SLC9A9: variants seen among roughly 807,000 people sequenced by gnomAD.
SLC9A9 encodes the protein solute carrier family 9 member A9.
SLC9A9 carries 62 observed loss-of-function variants against 77.8 expected under a neutral mutation model. The ratio of observed to expected loss-of-function variants is 0.80; its 90% CI spans 0.65 to 0.98. The LOEUF (loss-of-function observed/expected upper bound fraction) is 0.98, where lower values mean the gene tolerates loss of function less well. SLC9A9 is among the 50% of genes least tolerant of loss of function. The pLI, the probability that SLC9A9 is intolerant of heterozygous loss-of-function variation, is 0.00. For synonymous variants in SLC9A9, 320 were observed against 283.5 expected (o/e 1.13, Z -1.29); for missense variants, 775 against 774.9 (o/e 1.00, Z 0.00).
At chr3:143,361,984 C>G (rs61033065) in intron 14 of SLC9A9, among the ~76,000 whole-genome samples, 1 of 152,110 alleles carries the variant, frequency 6.6e-6, no homozygotes, top group Non-Finnish European at 1.5e-5. Flanking sequence ...TGTGTTTACT[C>G]TTTAGTCAAA....
At chr3:143,537,613 T>C (rs77751212) in intron 9 of SLC9A9, among the ~76,000 whole-genome samples, 77 of 152,376 alleles carry the variant, frequency 5.1e-4, no homozygotes, top group Non-Finnish European at 1.0e-3. Context: ...TTCATTTTTA[T>C]GTGTTCAGTT....
chr3:143,371,128 T>C (rs995540740), intron 13 of SLC9A9, among the ~76,000 whole-genome samples: 2 of 152,134 alleles, frequency 1.3e-5, no homozygotes, highest in Admixed American at 1.3e-4. Flanking sequence ...AACACTGACC[T>C]GTACATGCAC....
chr3:143,380,376 CAG>C (rs150160964), intron 13 of SLC9A9, among the ~76,000 whole-genome samples: 5,742 of 152,174 alleles, frequency 0.038, 161 homozygotes, highest in Middle Eastern at 0.068. Flanking sequence ...TAGAAGAAGA[CAG>C]AGAATTTTAT....
At chr3:143,529,991 T>C (rs373032445) in intron 9 of SLC9A9, among the ~76,000 whole-genome samples, 1 of 152,234 alleles carries the variant, frequency 6.6e-6, no homozygotes, top group East Asian at 1.9e-4. Flanking sequence ...GTCTAACCCG[T>C]GCACCACCTG....
intron 4 of SLC9A9, among the ~76,000 whole-genome samples, chr3:143,700,912 G>A (rs1255976896): frequency 1.3e-5 from 2 of 152,192 alleles, no homozygotes; most frequent in Non-Finnish European, 2.9e-5. Context: ...TGGCCACAGG[G>A]GTACTTGTTT....
chr3:143,355,984 A>G (rs2032574835), intron 14 of SLC9A9, among the ~76,000 whole-genome samples: 1 of 152,212 alleles, frequency 6.6e-6, no homozygotes, highest in Non-Finnish European at 1.5e-5. Flanking sequence ...TAGAAATATT[A>G]TTAAAACTTT....
In SLC9A9 at chr3:143,637,311, G is replaced by T. The variant is rs1371220230; in HGVS notation, c.755+14944C>A. Among the ~76,000 whole-genome samples the T allele has an allele frequency of 3.3e-5, 5 of 152,100 alleles. 1 individual carries two copies. The highest frequency in any genetic ancestry group is 5.9e-5 in the Non-Finnish European group (4 of 67,984). On this transcript the variant is annotated intron_variant, in intron 6 of 15. Coordinates refer to ENST00000316549, the MANE Select transcript of SLC9A9 (RefSeq NM_173653.4). ...AAAGAAAGCACAAAACTCTGGAAAT[G>T]AAAAATTTACAGATGGAATTACAAA...
At chr3:143,333,036 T>G in intron 14 of SLC9A9, among the ~76,000 whole-genome samples, 1 of 152,190 alleles carries the variant, frequency 6.6e-6, no homozygotes, top group African/African-American at 2.4e-5. Flanking sequence ...TCTACTGTAG[T>G]TTTTTAAGGG....
intron 14 of SLC9A9, among the ~76,000 whole-genome samples, chr3:143,270,896 T>A (rs191571545): frequency 6.6e-6 from 1 of 152,242 alleles, no homozygotes; most frequent in Non-Finnish European, 1.5e-5. Context: ...TGACTTTTTA[T>A]GGTTTTAGTT....
chr3:143,597,042 T>C (rs2037764223), intron 6 of SLC9A9, among the ~76,000 whole-genome samples: 1 of 152,096 alleles, frequency 6.6e-6, no homozygotes, highest in Non-Finnish European at 1.5e-5. Flanking sequence ...CTTCTTCATG[T>C]TCAGTAAAAA....
At chr3:143,560,726 C>CT (rs1210617680) in intron 8 of SLC9A9, among the ~76,000 whole-genome samples, 5 of 85,688 alleles carry the variant, frequency 5.8e-5, no homozygotes, top group Non-Finnish European at 1.1e-4. Context: ...AAACTTTTTC[C>CT]TTCAAAAAAA....
At chr3:143,405,001 G>A (rs2108514899) in intron 12 of SLC9A9, among the ~76,000 whole-genome samples, 1 of 152,278 alleles carries the variant, frequency 6.6e-6, no homozygotes, top group Admixed American at 6.5e-5. Context: ...TCTTTGTGTG[G>A]CTTGGGGAAT....
intron 6 of SLC9A9, among the ~76,000 whole-genome samples, chr3:143,591,277 C>G (rs563431919): frequency 1.3e-5 from 2 of 152,198 alleles, no homozygotes; most frequent in Non-Finnish European, 2.9e-5. Flanking sequence ...AATTTCACTT[C>G]GGTTCAAGTT....
chr3:143,490,368 C>T (rs958079772), intron 11 of SLC9A9, among the ~76,000 whole-genome samples: 1 of 151,940 alleles, frequency 6.6e-6, no homozygotes, highest in Non-Finnish European at 1.5e-5. Context: ...TTATAATATG[C>T]TATAACATGG....
intron 4 of SLC9A9, among the ~76,000 whole-genome samples, chr3:143,704,535 A>T (rs944211492): frequency 6.6e-6 from 1 of 152,174 alleles, no homozygotes; most frequent in Non-Finnish European, 1.5e-5. Flanking sequence ...TCATAAGAAA[A>T]ACTCAAAAAA....
rs545772268 is a variant in SLC9A9, at chr3:143,736,530, GA to G, written c.534-43224del. Among the ~76,000 whole-genome samples, 501 of 152,262 alleles carry G rather than the reference GA, an allele frequency of 3.3e-3. 5 individuals carry two copies. The highest frequency in any genetic ancestry group is 0.011 in the African/African-American group (470 of 41,546). On this transcript the variant is annotated intron_variant, in intron 4 of 15. Transcript: ENST00000316549. Reference sequence around the variant, plus strand: ...GTTTAGTAAACGTTGAACAGGTACAGAGCACACACTCAATAGAGGGCTCTGT... The same window carrying G: ...GTTTAGTAAACGTTGAACAGGTACAGGCACACACTCAATAGAGGGCTCTGT...
At chr3:143,413,917 C>A (rs2034144372) in intron 12 of SLC9A9, among the ~76,000 whole-genome samples, 1 of 152,168 alleles carries the variant, frequency 6.6e-6, no homozygotes, top group African/African-American at 2.4e-5. Flanking sequence ...TGGTGAGGGG[C>A]CTGTGCCCCC....
chr3:143,528,802 TAA>T (rs5853112), intron 9 of SLC9A9, among the ~76,000 whole-genome samples: 1 of 147,850 alleles, frequency 6.8e-6, no homozygotes, highest in Non-Finnish European at 1.5e-5. Flanking sequence ...AGCTCAAAAG[TAA>T]AAAAAAAAAA....
intron 9 of SLC9A9, among the ~76,000 whole-genome samples, chr3:143,536,649 A>G (rs1412413057): frequency 6.6e-6 from 1 of 152,212 alleles, no homozygotes; most frequent in Non-Finnish European, 1.5e-5. Flanking sequence ...TGACTGTGGG[A>G]CTGCCTTCCC....
Sources: gnomAD v4.1 joint callset for allele counts (sites outside exome capture counted in the v4.1 genomes callset) on GRCh38, gnomAD v4.1.1 for gene constraint, MANE v1.5 for transcripts, NCBI Gene and HGNC (gene_info 2026-07-23, HGNC 2026-07-21) for gene names.